SLC16A10: variants seen among roughly 807,000 people sequenced by gnomAD.
The protein encoded by SLC16A10 is monocarboxylate transporter 10.
A neutral mutation model predicts 40.0 loss-of-function variants in SLC16A10; 27 were observed. The ratio of observed to expected loss-of-function variants is 0.67; its 90% CI spans 0.50 to 0.93. The LOEUF (loss-of-function observed/expected upper bound fraction) is 0.93. Among genes scored for constraint, SLC16A10 ranks in the 40% least tolerant of loss-of-function variants. SLC16A10 has a pLI of 0.00. For missense variants in SLC16A10, 529 were observed against 658.2 expected (o/e 0.80, Z 2.15); for synonymous variants, 213 against 249.8 (o/e 0.85, Z 1.39).
intron 3 of SLC16A10, among the ~76,000 whole-genome samples, chr6:111,185,003 G>T (rs1377811749): frequency 6.6e-6 from 1 of 151,508 alleles, no homozygotes; most frequent in African/African-American, 2.4e-5. Flanking sequence ...AGGGCGCTGA[G>T]CCACGCAAAT....
intron 3 of SLC16A10, among the ~76,000 whole-genome samples, chr6:111,187,340 A>G (rs756790120): frequency 7.2e-5 from 11 of 152,318 alleles, no homozygotes; most frequent in Non-Finnish European, 1.5e-4. Flanking sequence ...AGGATGGTAC[A>G]TGGTGCAGCC....
chr6:111,136,651 C>T lies in SLC16A10; in HGVS notation c.344-36044C>T, dbSNP rs77625651. Among the ~76,000 whole-genome samples, 160 of 152,318 alleles carry T rather than the reference C, an allele frequency of 1.1e-3. 1 individual carries two copies. In the East Asian group the frequency reaches 0.028, roughly 26 times the overall value. On this transcript the variant is annotated intron_variant, in intron 1 of 5. Coordinates refer to ENST00000368851, the MANE Select transcript of SLC16A10 (RefSeq NM_018593.5). ...AACAAGTAATTGCTCAAACCTACGC[C>T]GCTTGAGGGGACCTTCTAGTGGTTC...
At chr6:111,116,839 G>A (rs1372717008) in intron 1 of SLC16A10, among the ~76,000 whole-genome samples, 2 of 152,156 alleles carry the variant, frequency 1.3e-5, no homozygotes, top group African/African-American at 4.8e-5. Context: ...TCTTTTAAAG[G>A]TAAATTTGAA....
At chr6:111,198,773 G>C (rs896392438) in intron 3 of SLC16A10, among the ~76,000 whole-genome samples, 8 of 152,110 alleles carry the variant, frequency 5.3e-5, no homozygotes, top group African/African-American at 1.9e-4. Context: ...ACACCTACCT[G>C]TTCATTTGCA....
chr6:111,203,627 G>T (rs1471936692), intron 3 of SLC16A10, among the ~76,000 whole-genome samples: 1 of 151,658 alleles, frequency 6.6e-6, no homozygotes, highest in African/African-American at 2.4e-5. Context: ...GAGGCTGAGG[G>T]AGGAGAATCG....
chr6:111,100,986 CTCTCTCTATATATATATA>C (rs1771172235), intron 1 of SLC16A10, among the ~76,000 whole-genome samples: 1 of 89,364 alleles, frequency 1.1e-5, no homozygotes, highest in African/African-American at 5.1e-5. Context: ...CTCTCTCTCT[CTCTCTCTATATATATATA>C]TATATATATA....
intron 3 of SLC16A10, 164 bp downstream of exon 3, chr6:111,177,829 T>C: frequency 1.7e-6 from 1 of 589,786 alleles, no homozygotes; most frequent in Non-Finnish European, 2.8e-6. Context: ...AGCACATCCA[T>C]TAGACCACTA....
At chr6:111,194,126 T>A (rs1773040610) in intron 3 of SLC16A10, among the ~76,000 whole-genome samples, 1 of 152,214 alleles carries the variant, frequency 6.6e-6, no homozygotes, top group African/African-American at 2.4e-5. Context: ...CAGGTTGAGT[T>A]TATAGGCTAG....
intron 1 of SLC16A10, among the ~76,000 whole-genome samples, chr6:111,133,872 A>G (rs1191439019): frequency 6.6e-6 from 1 of 152,214 alleles, no homozygotes; most frequent in Non-Finnish European, 1.5e-5. Flanking sequence ...GCCAGAGTGC[A>G]TGTACCTTTT....
intron 1 of SLC16A10, among the ~76,000 whole-genome samples, chr6:111,105,041 C>G (rs36098935): frequency 0.023 from 3,561 of 152,088 alleles, 63 homozygotes; most frequent in Non-Finnish European, 0.033. Context: ...CGTCTTAAGA[C>G]TTAGTCATTT....
intron 4 of SLC16A10, among the ~76,000 whole-genome samples, chr6:111,216,848 A>G (rs1319497598): frequency 2.0e-5 from 3 of 152,186 alleles, no homozygotes; most frequent in Non-Finnish European, 4.4e-5. Context: ...AGTTTTCAGG[A>G]GCATGTTTCC....
intron 1 of SLC16A10, among the ~76,000 whole-genome samples, chr6:111,094,703 T>A (rs1310346824): frequency 6.6e-6 from 1 of 152,176 alleles, no homozygotes; most frequent in African/African-American, 2.4e-5. Flanking sequence ...AGTGGCATGA[T>A]CATAGCTCAC....
chr6:111,113,822 G>T (rs2114463125), intron 1 of SLC16A10, among the ~76,000 whole-genome samples: 1 of 152,292 alleles, frequency 6.6e-6, no homozygotes, highest in African/African-American at 2.4e-5. Context: ...TGTCCCTCCA[G>T]TGTTGTTGCC....
intron 4 of SLC16A10, among the ~76,000 whole-genome samples, chr6:111,209,798 G>T (rs933840350): frequency 6.6e-6 from 1 of 152,180 alleles, no homozygotes; most frequent in Non-Finnish European, 1.5e-5. Flanking sequence ...GGTTTTCATT[G>T]AATTTAGAAT....
chr6:111,209,577 A>G (rs1010237447), intron 4 of SLC16A10, among the ~76,000 whole-genome samples: 3 of 152,148 alleles, frequency 2.0e-5, no homozygotes, highest in Non-Finnish European at 4.4e-5. Context: ...TTTAGAGCTC[A>G]TGGAAGAGTC....
At chr6:111,205,807 A>C (rs1201621133) in intron 3 of SLC16A10, among the ~76,000 whole-genome samples, 2 of 152,232 alleles carry the variant, frequency 1.3e-5, no homozygotes, top group African/African-American at 4.8e-5. Context: ...AGGCAACTTT[A>C]CAGGTAGAGG....
chr6:111,149,125 T>C (rs974995114), intron 1 of SLC16A10, among the ~76,000 whole-genome samples: 1 of 152,216 alleles, frequency 6.6e-6, no homozygotes, highest in African/African-American at 2.4e-5. Context: ...CTTTATGCTT[T>C]CAAGCATTCT....
rs914655010 is a variant in SLC16A10, at chr6:111,228,072, C to G, written c.*5837C>G. The G allele has an allele frequency of 3.9e-5, 6 of 152,156 alleles. No individual in the cohort carries two copies. Among genetic ancestry groups the G allele is most frequent in the African/African-American group, 1.2e-4 (5 of 41,530 alleles). The allele number at this position is 152,156 out of a possible 1,614,324, so 9.4% of individuals were successfully genotyped here. On this transcript the variant is annotated 3_prime_UTR_variant, in exon 6 of 6. Transcript: ENST00000368851. Reference sequence around the variant, plus strand: ...GGCCTGTGGATCTGACAAAGAAAAACCTGAAGAAATTCAGAATCTAGATAC... The same window carrying G: ...GGCCTGTGGATCTGACAAAGAAAAAGCTGAAGAAATTCAGAATCTAGATAC...
intron 1 of SLC16A10, among the ~76,000 whole-genome samples, chr6:111,162,816 T>C (rs1230873578): frequency 2.6e-5 from 4 of 152,110 alleles, no homozygotes; most frequent in Non-Finnish European, 5.9e-5. Context: ...GGATCAGCAA[T>C]GTTTTAAGCA....
Sources: allele counts gnomAD v4.1 joint callset (sites outside exome capture counted in the v4.1 genomes callset), GRCh38; gene constraint gnomAD v4.1.1; transcripts MANE v1.5; gene names NCBI Gene and HGNC (gene_info 2026-07-23, HGNC 2026-07-21).